LCP1: variants seen among roughly 807,000 people sequenced by gnomAD.
LCP1 encodes the protein lymphocyte cytosolic protein 1.
A neutral mutation model predicts 72.0 loss-of-function variants in LCP1; 23 were observed. The observed-to-expected ratio is 0.32, with a 90% CI of 0.23 to 0.45. The LOEUF is 0.45. LCP1 is among the 20% of genes least tolerant of loss of function. The pLI is 1.00. For synonymous variants in LCP1, 245 were observed against 275.4 expected (o/e 0.89, Z 1.09); for missense variants, 571 against 748.3 (o/e 0.76, Z 2.76).
chr13:46,156,941 C>T (rs58940176), intron 4 of LCP1, among the ~76,000 whole-genome samples: 1 of 151,456 alleles, frequency 6.6e-6, no homozygotes, highest in Non-Finnish European at 1.5e-5. Context: ...CTGCCTCAGC[C>T]TCCCCCGTAG....
At chr13:46,147,659 T>C (rs2045739125) in intron 9 of LCP1, among the ~76,000 whole-genome samples, 1 of 152,182 alleles carries the variant, frequency 6.6e-6, no homozygotes, top group South Asian at 2.1e-4. Flanking sequence ...AAATATATAA[T>C]ATCAATTTTA....
intron 13 of LCP1, among the ~76,000 whole-genome samples, chr13:46,141,462 A>C (rs1005599424): frequency 2.6e-5 from 4 of 151,616 alleles, no homozygotes; most frequent in Admixed American, 1.3e-4. Context: ...AATTACCTAA[A>C]ACCTGTAATA....
At chr13:46,167,762 A>G (rs879869332) in intron 1 of LCP1, among the ~76,000 whole-genome samples, 6 of 152,134 alleles carry the variant, frequency 3.9e-5, no homozygotes, top group Admixed American at 6.5e-5. Context: ...TTCACTCCAT[A>G]TATGTGTCTG....
intron 4 of LCP1, 71 bp downstream of exon 4, chr13:46,158,451 C>T (rs2045816976): frequency 3.9e-6 from 6 of 1,547,422 alleles, no homozygotes; most frequent in Admixed American, 1.9e-5. Context: ...TGTTTACATC[C>T]CTTAGGTTTG....
chr13:46,146,522 A>G (rs914557960), intron 10 of LCP1, among the ~76,000 whole-genome samples: 2 of 152,258 alleles, frequency 1.3e-5, no homozygotes, highest in Non-Finnish European at 2.9e-5. Flanking sequence ...ATATCCCAGC[A>G]TACCTTAAAT....
intron 1 of LCP1, among the ~76,000 whole-genome samples, chr13:46,170,042 G>A (rs1445735686): frequency 2.6e-5 from 4 of 152,100 alleles, no homozygotes; most frequent in African/African-American, 9.7e-5. Context: ...TTAGTGTCTG[G>A]CCCATGTGAG....
At chr13:46,128,332 C>T (rs532529297) in intron 15 of LCP1, among the ~76,000 whole-genome samples, 1 of 152,348 alleles carries the variant, frequency 6.6e-6, no homozygotes, top group South Asian at 2.1e-4. Flanking sequence ...GGCGCGGTGG[C>T]TCACGCCTGT....
rs2045820821 is a variant in LCP1, at chr13:46,158,965, C to G, written c.89G>C (p.Ser30Thr). The change falls in exon 3 of 16, where the codon AGC becomes ACC. Residue 30 changes from serine (S) to threonine (T), a missense_variant. Ser to Thr is a moderately conservative substitution (Grantham distance 58). Coordinates refer to ENST00000323076, the MANE Select transcript of LCP1 (RefSeq NM_002298.5). ...KVDTDGNGYI[S>T]FNELNDLFKA... is the part of the protein sequence containing the mutation. The stretch of plus-strand genomic sequence containing the variant: ...GAACAAGTCATTCAACTCATTGAAG[C>G]TGATGTATCCATTGCCATCAGTATC... 6.2e-7 allele frequency: 1 copy of G among 1,614,096 alleles called. No homozygotes were observed. The highest frequency in any genetic ancestry group is 1.3e-5 in the African/African-American group (1 of 75,026).
intron 1 of LCP1, among the ~76,000 whole-genome samples, chr13:46,181,786 GC>G (rs1391366818): frequency 6.6e-6 from 1 of 152,160 alleles, no homozygotes; most frequent in Non-Finnish European, 1.5e-5. Flanking sequence ...ACAGTAAATA[GC>G]CTCCGTGAAA....
chr13:46,149,979 T>C (rs369795571), intron 8 of LCP1, among the ~76,000 whole-genome samples: 2 of 152,138 alleles, frequency 1.3e-5, no homozygotes, highest in Admixed American at 1.3e-4. Context: ...TCCTAAAAAA[T>C]GGGGGCTTTC....
rs1331179852 is a variant in LCP1, at chr13:46,146,973, A to T, written c.1109T>A (p.Leu370His). 1 of 1,613,922 alleles carries T rather than the reference A, an allele frequency of 6.2e-7. No homozygotes were observed. The highest frequency in any genetic ancestry group is 8.5e-7 in the Non-Finnish European group (1 of 1,180,000). The change falls in exon 10 of 16, where the codon CTC becomes CAC. Residue 370 changes from leucine to histidine, a missense_variant. Transcript: ENST00000323076. ...PKLNLAFIAN[L>H]FNRYPALHKP... is the part of the protein sequence containing the mutation. ...GTGCAGGGCAGGGTATCTGTTAAAG[A>T]GGTTGGCAATAAAAGCCAAGTTCAA...
At chr13:46,170,058 C>T (rs770095868) in intron 1 of LCP1, among the ~76,000 whole-genome samples, 19 of 152,156 alleles carry the variant, frequency 1.2e-4, no homozygotes, top group South Asian at 6.2e-4. Context: ...GTGAGGTACT[C>T]AGTAAATGAG....
At position 46,127,524 on chromosome 13, in the gene LCP1, T is replaced by C. The variant is rs2045606268; in HGVS notation, c.*67A>G. On this transcript the variant is annotated 3_prime_UTR_variant, in exon 16 of 16. Coordinates refer to ENST00000323076, the MANE Select transcript of LCP1 (RefSeq NM_002298.5). ...TTGAACTTTGGAATGGCTTGAATCA[T>C]CCCTGGAGCATCTGTGCCGGGCAGT... 2 of 1,595,822 alleles carry C rather than the reference T, an allele frequency of 1.3e-6. No individual in the cohort carries two copies. Among genetic ancestry groups the C allele is most frequent in the Admixed American group, 1.7e-5 (1 of 59,190 alleles).
intron 1 of LCP1, among the ~76,000 whole-genome samples, chr13:46,179,790 A>T (rs2045947845): frequency 6.6e-6 from 1 of 152,056 alleles, no homozygotes; most frequent in Non-Finnish European, 1.5e-5. Context: ...AACAGAAGGA[A>T]GTGACAAGAA....
chr13:46,156,306 G>T, intron 5 of LCP1, 132 bp downstream of exon 5: 1 of 985,798 alleles, frequency 1.0e-6, no homozygotes, highest in Non-Finnish European at 1.5e-6. Context: ...ACCTGGCCAA[G>T]TGAAAGTCCA....
rs748693517 is a variant in LCP1, at chr13:46,127,634, G to A, written c.1841C>T (p.Thr614Ile). 1 of 1,614,178 alleles carries A rather than the reference G, an allele frequency of 6.2e-7. No individual in the cohort carries two copies. The highest frequency in any genetic ancestry group is 8.5e-7 in the Non-Finnish European group (1 of 1,180,040). The part of the protein sequence containing the change: ...LVEVNPKMVM[T>I]VFACLMGKGM... The stretch of plus-strand genomic sequence containing the variant: ...TTTCCCCATGAGGCAGGCAAACACG[G>A]TCATGACCATTTTGGGGTTCACTTC... Residue 614 changes from threonine to isoleucine, a missense_variant, in exon 16 of 16, where the codon ACC becomes ATC. Transcript: ENST00000323076.
At chr13:46,153,932 T>C (rs1480680122) in intron 6 of LCP1, among the ~76,000 whole-genome samples, 6 of 152,200 alleles carry the variant, frequency 3.9e-5, no homozygotes, top group Non-Finnish European at 8.8e-5. Flanking sequence ...CCAGACTCTG[T>C]ATGTACTATT....
At chr13:46,172,723 T>C (rs1392714219) in intron 1 of LCP1, among the ~76,000 whole-genome samples, 1 of 152,066 alleles carries the variant, frequency 6.6e-6, no homozygotes, top group Non-Finnish European at 1.5e-5. Context: ...CCACAGGTAA[T>C]GTGAATACAA....
At chr13:46,174,006 C>G (rs1157297130) in intron 1 of LCP1, among the ~76,000 whole-genome samples, 1 of 152,238 alleles carries the variant, frequency 6.6e-6, no homozygotes, top group South Asian at 2.1e-4. Flanking sequence ...ATGCTCAGAA[C>G]TGATTCTGTT....
Sources: allele counts gnomAD v4.1 joint callset (sites outside exome capture counted in the v4.1 genomes callset), GRCh38; gene constraint gnomAD v4.1.1; transcripts MANE v1.5; gene names NCBI Gene and HGNC (gene_info 2026-07-23, HGNC 2026-07-21).